Variants in LRMDA observed in about 807,000 individuals in gnomAD.
The protein encoded by LRMDA is leucine-rich melanocyte differentiation-associated protein.
LRMDA carries 18 observed loss-of-function variants against 29.8 expected under a neutral mutation model. The ratio of observed to expected loss-of-function variants is 0.60; its 90% CI spans 0.42 to 0.90. LRMDA has a LOEUF of 0.90. LRMDA is among the 40% of genes least tolerant of loss of function. The probability of loss-of-function intolerance (pLI) is 0.00; values close to 1 mark genes in which losing one functional copy is unlikely to be tolerated. For synonymous variants in LRMDA, 125 were observed against 109.4 expected (o/e 1.14, Z -0.89); for missense variants, 273 against 273.9 (o/e 1.00, Z 0.02).
intron 6 of LRMDA, among the ~76,000 whole-genome samples, chr10:76,521,227 G>C (rs567068294): frequency 6.6e-6 from 1 of 150,876 alleles, no homozygotes; most frequent in Non-Finnish European, 1.5e-5. Context: ...TCCACCTCCC[G>C]GGTTCATGCC....
chr10:75,818,003 T>C (rs1844090109), intron 2 of LRMDA, among the ~76,000 whole-genome samples: 2 of 152,204 alleles, frequency 1.3e-5, no homozygotes, highest in Admixed American at 1.3e-4. Flanking sequence ...TGTTTCCTCA[T>C]AGTCACAGCC....
intron 5 of LRMDA, among the ~76,000 whole-genome samples, chr10:76,145,056 A>T (rs4478932): frequency 0.7 from 105,702 of 152,068 alleles, 37,350 homozygotes; most frequent in East Asian, 0.85. Flanking sequence ...TTGATCATGG[A>T]GGATAAGCTT....
chr10:76,010,533 C>T (rs1217009814), intron 2 of LRMDA, among the ~76,000 whole-genome samples: 3 of 152,090 alleles, frequency 2.0e-5, no homozygotes, highest in Non-Finnish European at 4.4e-5. Context: ...AGGATGGTCT[C>T]GATCTCCTGA....
intron 2 of LRMDA, among the ~76,000 whole-genome samples, chr10:75,853,247 C>G (rs1215646531): frequency 6.6e-6 from 1 of 152,144 alleles, no homozygotes; most frequent in Non-Finnish European, 1.5e-5. Context: ...TTCTCATTTT[C>G]TAAACTTCCT....
intron 2 of LRMDA, among the ~76,000 whole-genome samples, chr10:75,766,667 T>C (rs1843172609): frequency 6.6e-6 from 1 of 152,186 alleles, no homozygotes; most frequent in Admixed American, 6.5e-5. Flanking sequence ...GGGATACATG[T>C]GCTGAATGTG....
At chr10:76,286,943 A>G (rs1053290037) in intron 5 of LRMDA, among the ~76,000 whole-genome samples, 1 of 152,146 alleles carries the variant, frequency 6.6e-6, no homozygotes, top group Admixed American at 6.5e-5. Flanking sequence ...TCCTCTTCTC[A>G]AATGTCTAGC....
intron 2 of LRMDA, among the ~76,000 whole-genome samples, chr10:75,493,348 G>GGTGTGT (rs3220724): frequency 0.3 from 40,151 of 132,990 alleles, 6,445 homozygotes; most frequent in Admixed American, 0.35. Context: ...GTTGAGATTG[G>GGTGTGT]GTGTGTGTGT....
At chr10:76,401,587 C>A (rs183158469) in intron 6 of LRMDA, among the ~76,000 whole-genome samples, 1 of 152,278 alleles carries the variant, frequency 6.6e-6, no homozygotes, top group Non-Finnish European at 1.5e-5. Flanking sequence ...CACTTGTTCT[C>A]CTCACCCTCC....
At chr10:75,561,017 C>A (rs77307178) in intron 2 of LRMDA, among the ~76,000 whole-genome samples, 92,808 of 147,126 alleles carry the variant, frequency 0.63, 31,316 homozygotes, top group East Asian at 0.85. Flanking sequence ...TGTCTCTGCC[C>A]GGCTTTGGTA....
chr10:76,278,090 T>C (rs942697454), intron 5 of LRMDA, among the ~76,000 whole-genome samples: 2 of 152,156 alleles, frequency 1.3e-5, no homozygotes, highest in African/African-American at 4.8e-5. Context: ...TCTTTCTAGA[T>C]TTGGATGCAT....
intron 2 of LRMDA, among the ~76,000 whole-genome samples, chr10:75,607,715 A>G (rs1310822942): frequency 1.3e-5 from 2 of 152,092 alleles, no homozygotes; most frequent in Non-Finnish European, 2.9e-5. Flanking sequence ...ATGTGCAAGC[A>G]AGTGAGGTGA....
At chr10:75,481,859 C>A (rs1391360930) in intron 2 of LRMDA, among the ~76,000 whole-genome samples, 1 of 152,148 alleles carries the variant, frequency 6.6e-6, no homozygotes, top group Non-Finnish European at 1.5e-5. Flanking sequence ...TATGCACATG[C>A]TGTTCTCTTT....
At chr10:75,989,946 C>T (rs936541232) in intron 2 of LRMDA, among the ~76,000 whole-genome samples, 2 of 152,198 alleles carry the variant, frequency 1.3e-5, no homozygotes, top group African/African-American at 4.8e-5. Flanking sequence ...CCCCCCGCTC[C>T]TGAGACCCCA....
chr10:76,239,776 T>G (rs1013529867), intron 5 of LRMDA, among the ~76,000 whole-genome samples: 9 of 152,150 alleles, frequency 5.9e-5, no homozygotes, highest in Non-Finnish European at 1.3e-4. Flanking sequence ...CAAATTCATT[T>G]TTTTTTGTAT....
chr10:76,417,384 C>T (rs1014312675), intron 6 of LRMDA, among the ~76,000 whole-genome samples: 2 of 151,990 alleles, frequency 1.3e-5, no homozygotes, highest in African/African-American at 2.4e-5. Context: ...TTAAAATAAA[C>T]TTTTAAAGTG....
At chr10:76,475,818 G>A (rs536066679) in intron 6 of LRMDA, among the ~76,000 whole-genome samples, 9 of 152,042 alleles carry the variant, frequency 5.9e-5, no homozygotes, top group Non-Finnish European at 1.0e-4. Context: ...ATAACGAAAT[G>A]AAGGCAGAAA....
chr10:76,108,375 A>G (rs559916510), intron 5 of LRMDA, among the ~76,000 whole-genome samples: 1 of 152,180 alleles, frequency 6.6e-6, no homozygotes, highest in Non-Finnish European at 1.5e-5. Context: ...TACATTACGC[A>G]TGTGTGGAAA....
chr10:76,445,039 G>A (rs138657118), intron 6 of LRMDA, among the ~76,000 whole-genome samples: 81 of 152,126 alleles, frequency 5.3e-4, no homozygotes, highest in East Asian at 1.2e-3. Context: ...AGGACAAAGC[G>A]CGGTGCAAAG....
At chr10:76,547,772 G>A (rs1435755368) in intron 6 of LRMDA, among the ~76,000 whole-genome samples, 1 of 152,162 alleles carries the variant, frequency 6.6e-6, no homozygotes, top group East Asian at 1.9e-4. Flanking sequence ...CCTGGTTGAT[G>A]TGACATCCAT....
Sources: allele counts gnomAD v4.1 joint callset (sites outside exome capture counted in the v4.1 genomes callset), GRCh38; gene constraint gnomAD v4.1.1; transcripts MANE v1.5; gene names NCBI Gene and HGNC (gene_info 2026-07-23, HGNC 2026-07-21).